MSI2: variants seen among roughly 807,000 people sequenced by gnomAD.
MSI2 encodes the protein RNA-binding protein Musashi homolog 2.
A neutral mutation model predicts 45.6 loss-of-function variants in MSI2; 17 were observed. The ratio of observed to expected loss-of-function variants is 0.37; its 90% CI spans 0.26 to 0.56. The LOEUF (loss-of-function observed/expected upper bound fraction) is 0.56. Among genes scored for constraint, MSI2 ranks in the 20% least tolerant of loss-of-function variants. MSI2 has a pLI of 0.77. For synonymous variants in MSI2, 156 were observed against 158.2 expected (o/e 0.99, Z 0.11); for missense variants, 293 against 444.2 (o/e 0.66, Z 3.06).
At chr17:57,523,567 T>C (rs2086639110) in intron 6 of MSI2, 1 of 152,230 alleles carries the variant, frequency 6.6e-6, no homozygotes, top group Non-Finnish European at 1.5e-5. Flanking sequence ...TGAGTGGTAA[T>C]TATTGCTGAT....
chr17:57,560,700 T>C (rs1035751669), intron 7 of MSI2, among the ~76,000 whole-genome samples: 1 of 152,230 alleles, frequency 6.6e-6, no homozygotes, highest in Non-Finnish European at 1.5e-5. Flanking sequence ...TTCTGAGCAG[T>C]ATAATAATGC....
Position 57,503,822 on chromosome 17 carries a change from A to G in MSI2, c.406-25854A>G, listed in dbSNP as rs141350922. ...TGCAGTCGCGCAATCGCGGCTCACG[A>G]CAACCTCCGCCTCCCAGGTTCAAGC... On this transcript the variant is annotated intron_variant, in intron 6 of 13. Transcript: ENST00000284073. Among the ~76,000 whole-genome samples, 127 of 152,290 alleles carry G rather than the reference A, an allele frequency of 8.3e-4. 2 individuals carry two copies. The East Asian group carries it at 0.023, about 28-fold the overall frequency.
rs571652729 is a variant in MSI2, at chr17:57,590,556, A to G, written c.455-6312A>G. 2.0e-5 allele frequency among the ~76,000 whole-genome samples: 3 copies of G among 152,354 alleles called. No individual in the cohort carries two copies. The South Asian group carries it at 6.2e-4, about 32-fold the overall frequency. On this transcript the variant is annotated intron_variant, in intron 7 of 13. Coordinates refer to ENST00000284073, the MANE Select transcript of MSI2 (RefSeq NM_138962.4). ...AGTGCTTACTTGTTAGTTTCTAATA[A>G]TAGCTTCATTCAAGAGAATGCCAGA... is the stretch of plus-strand genomic sequence containing the variant.
intron 13 of MSI2, 126 bp from the exon 14 acceptor site, chr17:57,679,423 T>A (rs1913464096): frequency 6.3e-6 from 2 of 318,012 alleles, no homozygotes; most frequent in Non-Finnish European, 9.6e-6. Context: ...TCCAGTGAAG[T>A]CCATCTTTGA....
intron 6 of MSI2, among the ~76,000 whole-genome samples, chr17:57,488,282 G>T (rs573682266): frequency 4.7e-4 from 71 of 152,272 alleles, no homozygotes; most frequent in African/African-American, 1.7e-3. Context: ...CTAAACATCC[G>T]CCTCCTTGCA....
Position 57,613,116 on chromosome 17 carries a change from C to G in MSI2, c.538-2854C>G, listed in dbSNP as rs572528145. 2.0e-5 allele frequency among the ~76,000 whole-genome samples: 3 copies of G among 152,290 alleles called. No homozygotes were observed. The East Asian group carries it at 5.8e-4, about 29-fold the overall frequency. On this transcript the variant is annotated intron_variant, in intron 8 of 13. Transcript: ENST00000284073. ...AATATTCTAATAGCCCTATCAGTGA[C>G]AGTCTATTGCATTATCTTACAAAAA...
At chr17:57,685,044 G>A (rs1257964539), downstream of MSI2, among the ~76,000 whole-genome samples, 1 of 152,130 alleles carries the variant, frequency 6.6e-6, no homozygotes, top group African/African-American at 2.4e-5. Context: ...CCCGGGTGCT[G>A]CCCTCAGTTA....
chr17:57,605,759 C>T (rs1425098775), intron 8 of MSI2, among the ~76,000 whole-genome samples: 1 of 152,242 alleles, frequency 6.6e-6, no homozygotes, highest in Admixed American at 6.5e-5. Context: ...TTCCTTTGCC[C>T]TCTTCTTTCA....
At chr17:57,583,823 T>C (rs984895753) in intron 7 of MSI2, among the ~76,000 whole-genome samples, 2 of 152,116 alleles carry the variant, frequency 1.3e-5, no homozygotes, top group Non-Finnish European at 2.9e-5. Flanking sequence ...TTTTAAAACA[T>C]ACAGATGCTG....
chr17:57,490,912 G>A (rs1168088162), intron 6 of MSI2, among the ~76,000 whole-genome samples: 1 of 151,892 alleles, frequency 6.6e-6, no homozygotes, highest in Non-Finnish European at 1.5e-5. Flanking sequence ...TTTCTAGCCA[G>A]GGGCAGCAGC....
At chr17:57,395,083 G>T (rs1310728667) in intron 5 of MSI2, among the ~76,000 whole-genome samples, 3 of 152,128 alleles carry the variant, frequency 2.0e-5, no homozygotes, top group African/African-American at 7.2e-5. Context: ...GCAATTCTTG[G>T]TGTTCCTTGG....
intron 6 of MSI2, among the ~76,000 whole-genome samples, chr17:57,508,262 A>G (rs981654552): frequency 6.6e-6 from 1 of 151,924 alleles, no homozygotes; most frequent in Admixed American, 6.6e-5. Context: ...AATGCCACAC[A>G]CTGCAACCAC....
chr17:57,597,628 AAAAAAT>A (rs1175351331), intron 8 of MSI2, among the ~76,000 whole-genome samples: 1 of 152,134 alleles, frequency 6.6e-6, no homozygotes, highest in Admixed American at 6.6e-5. Context: ...CCTGTCTCAA[AAAAAAT>A]AAAAATAAAA....
At chr17:57,460,102 C>A (rs181446740) in intron 6 of MSI2, among the ~76,000 whole-genome samples, 63 of 151,718 alleles carry the variant, frequency 4.2e-4, no homozygotes, top group African/African-American at 1.3e-3. Flanking sequence ...GCACTCCAGC[C>A]TGGGCAACAG....
chr17:57,662,390 A>G (rs1415564890), intron 11 of MSI2, among the ~76,000 whole-genome samples: 1 of 152,252 alleles, frequency 6.6e-6, no homozygotes, highest in Non-Finnish European at 1.5e-5. Flanking sequence ...GATGTTAATA[A>G]TAATAGCTCA....
chr17:57,653,363 G>C (rs1414495083), intron 11 of MSI2, among the ~76,000 whole-genome samples: 1 of 152,210 alleles, frequency 6.6e-6, no homozygotes, highest in Non-Finnish European at 1.5e-5. Context: ...TTGCCAGAGA[G>C]CTAGCAAGTG....
chr17:57,397,778 C>G (rs960875687), intron 5 of MSI2, among the ~76,000 whole-genome samples: 1 of 152,174 alleles, frequency 6.6e-6, no homozygotes, highest in Non-Finnish European at 1.5e-5. Flanking sequence ...TAGCTGTGCC[C>G]CCTTCTCCTA....
intron 6 of MSI2, among the ~76,000 whole-genome samples, chr17:57,471,591 C>T (rs922160993): frequency 8.5e-5 from 13 of 152,148 alleles, no homozygotes; most frequent in Non-Finnish European, 4.4e-5. Flanking sequence ...TTGAGCTGCT[C>T]CCTAATCCCA....
chr17:57,307,162 T>C (rs1050022721), intron 5 of MSI2, among the ~76,000 whole-genome samples: 21 of 152,236 alleles, frequency 1.4e-4, no homozygotes, highest in African/African-American at 4.8e-4. Flanking sequence ...ATTTCATATG[T>C]CCACTTGGTT....
Sources: allele counts gnomAD v4.1 joint callset (sites outside exome capture counted in the v4.1 genomes callset), GRCh38; gene constraint gnomAD v4.1.1; transcripts MANE v1.5; gene names NCBI Gene and HGNC (gene_info 2026-07-23, HGNC 2026-07-21).